DRC8: variants seen among roughly 807,000 people sequenced by gnomAD.
The protein encoded by DRC8 is dynein regulatory complex protein 8.
the DRC8 span, among the ~76,000 whole-genome samples, chr1:244,994,401 A>G: frequency 3.3e-5 from 5 of 152,210 alleles, no homozygotes; most frequent in Admixed American, 3.3e-4. Flanking sequence ...TTTGGCTCCT[A>G]CTAAGATAGC....
the DRC8 span, among the ~76,000 whole-genome samples, chr1:244,984,132 G>A: frequency 6.6e-6 from 1 of 151,732 alleles, no homozygotes; most frequent in East Asian, 1.9e-4. Context: ...TTTTTTTGGG[G>A]GGGGGGAATA....
At chr1:245,069,050 G>C in the DRC8 span, among the ~76,000 whole-genome samples, 9 of 152,188 alleles carry the variant, frequency 5.9e-5, no homozygotes, top group East Asian at 1.7e-3. Flanking sequence ...ACTATAACAT[G>C]GATGAAACTT....
the DRC8 span, among the ~76,000 whole-genome samples, chr1:244,993,186 T>G: frequency 6.6e-6 from 1 of 152,364 alleles, no homozygotes; most frequent in East Asian, 1.9e-4. Flanking sequence ...AAACTAACCC[T>G]ATATAATATC....
chr1:244,989,518 T>G, the DRC8 span, among the ~76,000 whole-genome samples: 1 of 152,180 alleles, frequency 6.6e-6, no homozygotes, highest in Non-Finnish European at 1.5e-5. Flanking sequence ...ACCACAGAGT[T>G]AAAGTACCAT....
chr1:244,997,115 G>GT, the DRC8 span, among the ~76,000 whole-genome samples: 1 of 152,168 alleles, frequency 6.6e-6, no homozygotes, highest in Admixed American at 6.6e-5. Context: ...TACAGATGCA[G>GT]TTTTTTCCCC....
At chr1:245,110,069 G>A in the DRC8 span, among the ~76,000 whole-genome samples, 5 of 152,104 alleles carry the variant, frequency 3.3e-5, no homozygotes, top group African/African-American at 1.2e-4. Flanking sequence ...TAAAGACTTC[G>A]TTAACTTTTA....
chr1:245,085,771 T>C, the DRC8 span, among the ~76,000 whole-genome samples: 1 of 152,166 alleles, frequency 6.6e-6, no homozygotes, highest in Non-Finnish European at 1.5e-5. Flanking sequence ...GGAGGCCACT[T>C]AGAAGGTTAT....
chr1:245,099,920 C>G, the DRC8 span, among the ~76,000 whole-genome samples: 47 of 152,328 alleles, frequency 3.1e-4, 1 homozygote, highest in Admixed American at 1.4e-3. Context: ...GCCATCAACT[C>G]GAGGCCAATC....
At chr1:245,123,534 T>G in the DRC8 span, 3 of 156,448 alleles carry the variant, frequency 1.9e-5, no homozygotes, top group African/African-American at 7.2e-5. This position sits in a 1 kb window ranked among gnomAD's most constrained non-coding sequence, Gnocchi z 5.0. Context: ...CTCCCGTTCC[T>G]GTTGTAGCTG....
At chr1:245,081,788 T>C in the DRC8 span, among the ~76,000 whole-genome samples, 2 of 152,320 alleles carry the variant, frequency 1.3e-5, no homozygotes, top group South Asian at 4.1e-4. Flanking sequence ...TTATTGGCTG[T>C]TCTTACAGAC....
At chr1:245,110,865 G>A in the DRC8 span, among the ~76,000 whole-genome samples, 1 of 152,204 alleles carries the variant, frequency 6.6e-6, no homozygotes, top group African/African-American at 2.4e-5. Context: ...CCAACAGCCA[G>A]AAGGGTTTGC....
At chr1:245,086,238 G>A in the DRC8 span, among the ~76,000 whole-genome samples, 1 of 152,176 alleles carries the variant, frequency 6.6e-6, no homozygotes, top group Non-Finnish European at 1.5e-5. Context: ...GAACCAATAT[G>A]TTTGGAAGTA....
the DRC8 span, among the ~76,000 whole-genome samples, chr1:245,106,462 A>C: frequency 1.3e-5 from 2 of 152,088 alleles, no homozygotes; most frequent in Non-Finnish European, 2.9e-5. Context: ...CCCTATGTTA[A>C]ATAATTAACA....
the DRC8 span, among the ~76,000 whole-genome samples, chr1:244,974,298 A>G: frequency 1.2e-4 from 18 of 152,244 alleles, no homozygotes; most frequent in Non-Finnish European, 2.4e-4. Flanking sequence ...ACTCACGTCT[A>G]GGAAACAAAC....
At chr1:245,100,278 G>A in the DRC8 span, among the ~76,000 whole-genome samples, 1 of 151,732 alleles carries the variant, frequency 6.6e-6, no homozygotes, top group East Asian at 1.9e-4. Flanking sequence ...CCAGCTACTC[G>A]GGATGCTGAG....
At chr1:244,976,173 G>T in the DRC8 span, among the ~76,000 whole-genome samples, 1 of 152,206 alleles carries the variant, frequency 6.6e-6, no homozygotes, top group African/African-American at 2.4e-5. Context: ...AGAGGTTGAG[G>T]CAGGAGAATT....
chr1:245,002,236 C>T, the DRC8 span: 15 of 1,599,246 alleles, frequency 9.4e-6, 1 homozygote, highest in South Asian at 9.0e-5. Context: ...ACACAGGGTA[C>T]AGTGCATTCA....
At chr1:245,049,639 G>A in the DRC8 span, among the ~76,000 whole-genome samples, 5 of 152,078 alleles carry the variant, frequency 3.3e-5, no homozygotes, top group African/African-American at 4.8e-5. This position sits in a 1 kb window ranked among gnomAD's most constrained non-coding sequence, Gnocchi z 4.5. Flanking sequence ...AAAAATACCC[G>A]ATGGCCAAAT....
the DRC8 span, among the ~76,000 whole-genome samples, chr1:245,104,451 C>T: frequency 1.3e-5 from 2 of 149,248 alleles, no homozygotes; most frequent in African/African-American, 2.5e-5. Flanking sequence ...TTCCAGTGAG[C>T]GGAGATTGCG....
Sources: allele counts gnomAD v4.1 joint callset (sites outside exome capture counted in the v4.1 genomes callset), GRCh38; gene constraint gnomAD v4.1.1; non-coding constraint Gnocchi (gnomAD v3.1); transcripts MANE v1.5; gene names NCBI Gene and HGNC (gene_info 2026-07-23, HGNC 2026-07-21).